The following TMEM132D variants were observed in gnomAD, a reference collection of about 807,000 sequenced individuals.
TMEM132D encodes mature OL transmembrane protein.
In TMEM132D, 21 loss-of-function variants were observed where a neutral mutation model predicts 62.3. The ratio of observed to expected loss-of-function variants is 0.34; its 90% confidence interval spans 0.24 to 0.49. The LOEUF is 0.49. TMEM132D is among the 20% of genes least tolerant of loss of function. The pLI, the probability that TMEM132D is intolerant of heterozygous loss-of-function variation, is 0.99. For synonymous variants in TMEM132D, 621 were observed against 575.6 expected, an observed-to-expected ratio of 1.08 and a Z score of -1.13; for missense variants, 1,346 against 1,402.8, an observed-to-expected ratio of 0.96 and a Z score of 0.65.
intron 5 of TMEM132D, among the ~76,000 whole-genome samples, chr12:129,099,121 C>T (rs903461101): frequency 6.6e-6 from 1 of 152,162 alleles, no homozygotes; most frequent in Non-Finnish European, 1.5e-5. Context: ...CAGACTTTGC[C>T]CCAGGCCACT....
chr12:129,205,376 G>GAAA (rs35326308), intron 5 of TMEM132D, among the ~76,000 whole-genome samples: 5 of 111,412 alleles, frequency 4.5e-5, no homozygotes, highest in Non-Finnish European at 7.5e-5. Context: ...CCTAATTTCA[G>GAAA]AAAAAAAAAA....
chr12:129,442,649 G>T (rs1356055588), intron 3 of TMEM132D, among the ~76,000 whole-genome samples: 2 of 152,114 alleles, frequency 1.3e-5, no homozygotes, highest in South Asian at 2.1e-4. Flanking sequence ...GCTAGAAGCG[G>T]TTATAGTCTC....
chr12:129,543,789 G>A (rs79430100), intron 2 of TMEM132D, among the ~76,000 whole-genome samples: 1,897 of 152,296 alleles, frequency 0.012, 35 homozygotes, highest in African/African-American at 0.043. Flanking sequence ...TCTTGGGAAT[G>A]TATCGATGTA....
intron 1 of TMEM132D, among the ~76,000 whole-genome samples, chr12:129,869,746 C>A (rs1312903114): frequency 6.6e-6 from 1 of 152,134 alleles, no homozygotes; most frequent in African/African-American, 2.4e-5. Flanking sequence ...TCTGCAGTAT[C>A]AAGTGGAGAT....
At chr12:129,075,150 A>G (rs1322414854) in intron 8 of TMEM132D, 91 bp from the exon 9 acceptor site, 8 of 1,010,402 alleles carry the variant, frequency 7.9e-6, no homozygotes, top group Non-Finnish European at 1.1e-5. Context: ...CGGCAAAACT[A>G]TTGCTACAAG....
In TMEM132D at chr12:129,252,934, C is replaced by A. The variant is rs546129165; in HGVS notation, c.1300-43271G>T. 9.3e-5 allele frequency among the ~76,000 whole-genome samples: 14 copies of A among 151,076 alleles called. No homozygotes were observed. The East Asian group carries it at 2.6e-3, about 28-fold the overall frequency. ...GAAACCATCATTCTCAGGAAACTAT[C>A]GCAAGGACAAAAAAACCAAACACCG... On this transcript the variant is annotated intron_variant, in intron 4 of 8. Transcript: ENST00000422113.
chr12:129,211,350 A>G (rs1163095480), intron 4 of TMEM132D, among the ~76,000 whole-genome samples: 1 of 152,138 alleles, frequency 6.6e-6, no homozygotes, highest in African/African-American at 2.4e-5. Context: ...TTGTCATTTT[A>G]CTTTCACTCA....
chr12:129,285,555 G>GAC (rs1281461198), intron 4 of TMEM132D, among the ~76,000 whole-genome samples: 4 of 118,304 alleles, frequency 3.4e-5, no homozygotes, highest in Non-Finnish European at 7.3e-5. Context: ...GAGAGAGAGA[G>GAC]GCTCCCATTA....
intron 5 of TMEM132D, among the ~76,000 whole-genome samples, chr12:129,142,153 A>C (rs537392694): frequency 6.6e-6 from 1 of 152,084 alleles, no homozygotes; most frequent in Non-Finnish European, 1.5e-5. Flanking sequence ...ATTCCCTTCC[A>C]TGTGAGTATA....
At chr12:129,318,737 G>T (rs1433481944) in intron 4 of TMEM132D, among the ~76,000 whole-genome samples, 3 of 152,148 alleles carry the variant, frequency 2.0e-5, no homozygotes, top group African/African-American at 7.2e-5. Flanking sequence ...CCATTAGGTG[G>T]GGGCAGGGCT....
chr12:129,601,069 A>G (rs926195112), intron 2 of TMEM132D, among the ~76,000 whole-genome samples: 1 of 152,216 alleles, frequency 6.6e-6, no homozygotes, highest in African/African-American at 2.4e-5. Context: ...AAAATCTTTT[A>G]TTTAGTGTAG....
At chr12:129,304,965 A>G (rs1881813092) in intron 4 of TMEM132D, among the ~76,000 whole-genome samples, 1 of 152,114 alleles carries the variant, frequency 6.6e-6, no homozygotes, top group African/African-American at 2.4e-5. Flanking sequence ...CGCCTGGCCA[A>G]GCTCTTTCTT....
intron 3 of TMEM132D, among the ~76,000 whole-genome samples, chr12:129,526,031 C>G (rs373204419): frequency 1.3e-5 from 2 of 152,124 alleles, no homozygotes; most frequent in Non-Finnish European, 2.9e-5. Flanking sequence ...TGGATAACAG[C>G]CTGCTGGAAA....
chr12:129,339,809 A>G (rs1159656106), intron 3 of TMEM132D, among the ~76,000 whole-genome samples: 1 of 152,218 alleles, frequency 6.6e-6, no homozygotes, highest in African/African-American at 2.4e-5. Context: ...AAAGGAATTT[A>G]TATAACAGAA....
intron 2 of TMEM132D, among the ~76,000 whole-genome samples, chr12:129,595,200 G>C (rs1023799692): frequency 6.6e-5 from 10 of 152,316 alleles, no homozygotes; most frequent in Admixed American, 6.5e-4. Flanking sequence ...ACTGTACTGA[G>C]TGCTTATCTT....
intron 8 of TMEM132D, 67 bp from the exon 9 acceptor site, chr12:129,075,126 C>T (rs1197379482): frequency 6.0e-6 from 8 of 1,327,076 alleles, no homozygotes; most frequent in Admixed American, 2.2e-5. Context: ...AGTCTTAGTA[C>T]AGTAGACACA....
intron 1 of TMEM132D, among the ~76,000 whole-genome samples, chr12:129,784,339 C>A (rs1346199429): frequency 2.7e-4 from 41 of 152,338 alleles, no homozygotes. Context: ...ATGTGTCCCA[C>A]CTCACGTTCA....
intron 4 of TMEM132D, among the ~76,000 whole-genome samples, chr12:129,234,235 A>G (rs1190272897): frequency 6.6e-6 from 1 of 152,240 alleles, no homozygotes; most frequent in Admixed American, 6.5e-5. Context: ...AGGAGAGAAC[A>G]GGCATGGAGA....
chr12:129,739,809 A>G (rs1869543009), intron 1 of TMEM132D, among the ~76,000 whole-genome samples: 1 of 152,160 alleles, frequency 6.6e-6, no homozygotes, highest in Admixed American at 6.5e-5. Flanking sequence ...TCATCTAGCA[A>G]AATGCAAGCA....
Sources: allele counts gnomAD v4.1 joint callset (sites outside exome capture counted in the v4.1 genomes callset), GRCh38; gene constraint gnomAD v4.1.1; transcripts MANE v1.5; gene names NCBI Gene and HGNC (gene_info 2026-07-23, HGNC 2026-07-21).